Variants in FARS2 observed in about 807,000 individuals in gnomAD.
FARS2 encodes phenylalanyl-tRNA synthetase 2, mitochondrial.
In FARS2, 40 loss-of-function variants were observed where a neutral mutation model predicts 46.4. The observed-to-expected ratio is 0.86, with a 90% CI of 0.67 to 1.12. The LOEUF (loss-of-function observed/expected upper bound fraction) is 1.12. Ranked by LOEUF, FARS2 falls within the 50% of genes most tolerant of loss-of-function variation. The probability of loss-of-function intolerance (pLI) is 0.00; values close to 1 mark genes in which losing one functional copy is unlikely to be tolerated. For synonymous variants in FARS2, 234 were observed against 214.9 expected, an observed-to-expected ratio of 1.09 and a Z score of -0.78; for missense variants, 513 against 567.9, an observed-to-expected ratio of 0.90 and a Z score of 0.98.
At chr6:5,435,776 GC>G (rs1763487063) in intron 4 of FARS2, among the ~76,000 whole-genome samples, 1 of 152,156 alleles carries the variant, frequency 6.6e-6, no homozygotes, top group Non-Finnish European at 1.5e-5. Context: ...ACCATTCCTT[GC>G]CCCTGTGAAG....
intron 4 of FARS2, among the ~76,000 whole-genome samples, chr6:5,488,226 C>T (rs551421435): frequency 1.3e-5 from 2 of 152,210 alleles, no homozygotes; most frequent in East Asian, 3.9e-4. Context: ...TTGGAATGCT[C>T]AAACTTCAAG....
rs1440321115 is a variant in FARS2, at chr6:5,298,764, A to G, written c.-22+37104A>G. The stretch of plus-strand genomic sequence containing the variant: ...TCTTTGGGCTTTAAATAAGATTTTT[A>G]CTGTCAAAAAATACAAAAATACCAG... On this transcript the variant is annotated intron_variant, in intron 1 of 6. Coordinates refer to ENST00000274680, the MANE Select transcript of FARS2 (RefSeq NM_006567.5). Among the ~76,000 whole-genome samples, 4 of 151,486 alleles carry G rather than the reference A, an allele frequency of 2.6e-5. No individual in the cohort carries two copies. In the East Asian group the frequency reaches 7.8e-4, roughly 29 times the overall value.
rs376244757 is a variant in FARS2 at position 5,727,968 on chromosome 6, T to C, written c.1218-43323T>C. On this transcript the variant is annotated intron_variant, in intron 6 of 6. Coordinates refer to ENST00000274680, the MANE Select transcript of FARS2 (RefSeq NM_006567.5). The surrounding 1 kb of genome is among the most constrained non-coding windows in gnomAD (Gnocchi z 4.1). Reference sequence around the variant, plus strand: ...GGGAAGTGTTGGGGTGAAAGGTCCCTGGGAGCTTCGCTTACCACCGTGGGC... The same window carrying C: ...GGGAAGTGTTGGGGTGAAAGGTCCCCGGGAGCTTCGCTTACCACCGTGGGC... Among the ~76,000 whole-genome samples, 2 of 152,350 alleles carry C rather than the reference T, an allele frequency of 1.3e-5. No individual in the cohort carries two copies. Among genetic ancestry groups the C allele is most frequent in the Non-Finnish European group, 2.9e-5 (2 of 68,032 alleles).
At chr6:5,616,441 C>G (rs1216696286) in intron 6 of FARS2, among the ~76,000 whole-genome samples, 2 of 152,082 alleles carry the variant, frequency 1.3e-5, no homozygotes. Flanking sequence ...TTTTTTAGTA[C>G]AAGTTGAGTA....
intron 6 of FARS2, among the ~76,000 whole-genome samples, chr6:5,620,516 T>C (rs1476131806): frequency 6.6e-6 from 1 of 152,152 alleles, no homozygotes; most frequent in Non-Finnish European, 1.5e-5. Context: ...GAGCAGGAAC[T>C]GAGGCAGTTG....
At chr6:5,578,033 C>T (rs370479762) in intron 5 of FARS2, among the ~76,000 whole-genome samples, 65 of 152,254 alleles carry the variant, frequency 4.3e-4, no homozygotes, top group African/African-American at 1.4e-3. Flanking sequence ...AATCTTCTGA[C>T]CTCGTGATCC....
intron 1 of FARS2, among the ~76,000 whole-genome samples, chr6:5,324,812 T>C (rs1398594055): frequency 6.6e-6 from 1 of 152,086 alleles, no homozygotes; most frequent in African/African-American, 2.4e-5. Context: ...TGCCCCAAGG[T>C]CACTGTGTAC....
chr6:5,318,396 A>AAAACC (rs1554162431), intron 1 of FARS2, among the ~76,000 whole-genome samples: 1 of 136,272 alleles, frequency 7.3e-6, no homozygotes, highest in South Asian at 2.2e-4. Context: ...CCAAAAAAAA[A>AAAACC]AAAAAAAAAA....
intron 6 of FARS2, among the ~76,000 whole-genome samples, chr6:5,735,140 T>C (rs1478595734): frequency 1.3e-5 from 2 of 152,238 alleles, no homozygotes; most frequent in Non-Finnish European, 2.9e-5. Flanking sequence ...ACAAGGGCTT[T>C]TTTACTCTAC....
intron 6 of FARS2, among the ~76,000 whole-genome samples, chr6:5,726,960 T>C (rs1760306043): frequency 1.3e-5 from 2 of 152,204 alleles, no homozygotes. Flanking sequence ...TTGATGGTCT[T>C]GGTTAAAACA....
chr6:5,723,193 GGA>G (rs1298439172), intron 6 of FARS2, among the ~76,000 whole-genome samples: 1 of 152,142 alleles, frequency 6.6e-6, no homozygotes, highest in Admixed American at 6.5e-5. Flanking sequence ...GAGTGTGTCG[GGA>G]GCCGTGGGTC....
chr6:5,456,874 A>C (rs1350092591), intron 4 of FARS2: 1 of 152,084 alleles, frequency 6.6e-6, no homozygotes, highest in Non-Finnish European at 1.5e-5. Context: ...CCACAGAAGG[A>C]AAGGATATTC....
At chr6:5,364,603 AGAGT>A (rs1490806293) in intron 1 of FARS2, among the ~76,000 whole-genome samples, 44 of 152,252 alleles carry the variant, frequency 2.9e-4, no homozygotes, top group Non-Finnish European at 6.3e-4. Context: ...AACAGACCAG[AGAGT>A]GAGTATTTAG....
chr6:5,569,152 G>A (rs1772485596), intron 5 of FARS2, among the ~76,000 whole-genome samples: 1 of 152,052 alleles, frequency 6.6e-6, no homozygotes, highest in Non-Finnish European at 1.5e-5. Context: ...TGCCTTGGGA[G>A]CTGGGTAGAT....
intron 1 of FARS2, among the ~76,000 whole-genome samples, chr6:5,319,142 A>C (rs1369300447): frequency 5.3e-5 from 8 of 152,112 alleles, no homozygotes; most frequent in Non-Finnish European, 1.2e-4. Context: ...GGTGACCATC[A>C]GGTGATAGTC....
chr6:5,671,540 G>A (rs770057037), intron 6 of FARS2, among the ~76,000 whole-genome samples: 8 of 152,186 alleles, frequency 5.3e-5, no homozygotes, highest in Non-Finnish European at 8.8e-5. Context: ...CAGATGGTGA[G>A]GCTCCCCCTT....
intron 6 of FARS2, among the ~76,000 whole-genome samples, chr6:5,669,143 A>C (rs1209974115): frequency 1.3e-5 from 2 of 152,220 alleles, no homozygotes; most frequent in Admixed American, 1.3e-4. Context: ...AACAGATGTT[A>C]ATTCCCTTTC....
intron 3 of FARS2, among the ~76,000 whole-genome samples, chr6:5,409,709 A>G (rs911820922): frequency 1.3e-5 from 2 of 152,202 alleles, no homozygotes; most frequent in Non-Finnish European, 2.9e-5. Context: ...CACGCATCAG[A>G]ATCTATCTGG....
chr6:5,270,624 A>C (rs1396830862), intron 1 of FARS2, among the ~76,000 whole-genome samples: 1 of 152,252 alleles, frequency 6.6e-6, no homozygotes, highest in East Asian at 1.9e-4. Flanking sequence ...TGTTCCTTAG[A>C]TATATATGAA....
Sources: allele counts gnomAD v4.1 joint callset (sites outside exome capture counted in the v4.1 genomes callset), GRCh38; gene constraint gnomAD v4.1.1; non-coding constraint Gnocchi (gnomAD v3.1); transcripts MANE v1.5; gene names NCBI Gene and HGNC (gene_info 2026-07-23, HGNC 2026-07-21).